The following ZNF892 variants were observed in gnomAD, a reference collection of about 807,000 sequenced individuals.
ZNF892 encodes the protein zinc finger protein 892.
At chr2:95,228,883 C>T in the ZNF892 span, among the ~76,000 whole-genome samples, 46 of 152,014 alleles carry the variant, frequency 3.0e-4, no homozygotes, top group Non-Finnish European at 5.6e-4. Context: ...TCAAAGTTAC[C>T]CCTCTGCTCA....
chr2:95,234,334 C>T, the ZNF892 span, among the ~76,000 whole-genome samples: 1 of 152,242 alleles, frequency 6.6e-6, no homozygotes, highest in Non-Finnish European at 1.5e-5. Context: ...ATTTCTCTCT[C>T]TGACATTTTC....
chr2:95,244,339 TA>T, the ZNF892 span, among the ~76,000 whole-genome samples: 9,881 of 124,976 alleles, frequency 0.079, 682 homozygotes, highest in African/African-American at 0.21. Flanking sequence ...AATGATCAAT[TA>T]AAAAAAAAAA....
the ZNF892 span, among the ~76,000 whole-genome samples, chr2:95,225,304 C>G: frequency 7.9e-5 from 12 of 152,116 alleles, no homozygotes; most frequent in African/African-American, 2.9e-4. Context: ...GCTGCCATAG[C>G]AGAATACCAC....
At chr2:95,255,469 T>C in the ZNF892 span, among the ~76,000 whole-genome samples, 2 of 152,228 alleles carry the variant, frequency 1.3e-5, no homozygotes. Flanking sequence ...TCTGTTCTTT[T>C]ACATTTGCTG....
At chr2:95,212,201 A>G in the ZNF892 span, 12 of 398,510 alleles carry the variant, frequency 3.0e-5, no homozygotes, top group Middle Eastern at 6.3e-4. Flanking sequence ...AGGGCTTCCA[A>G]TTTCCACACC....
At chr2:95,254,568 T>C in the ZNF892 span, among the ~76,000 whole-genome samples, 12 of 152,214 alleles carry the variant, frequency 7.9e-5, no homozygotes, top group African/African-American at 2.9e-4. Flanking sequence ...TCTGCCAGGC[T>C]TTAGTATCAG....
At chr2:95,226,181 C>G in the ZNF892 span, among the ~76,000 whole-genome samples, 3 of 152,214 alleles carry the variant, frequency 2.0e-5, no homozygotes, top group Non-Finnish European at 4.4e-5. Context: ...TAACAAGCCT[C>G]TGCCCCAGGC....
chr2:95,215,887 T>C, the ZNF892 span, among the ~76,000 whole-genome samples: 3 of 152,186 alleles, frequency 2.0e-5, no homozygotes, highest in Admixed American at 6.5e-5. Flanking sequence ...GGGTGTGCCA[T>C]GGTGGAAACG....
the ZNF892 span, among the ~76,000 whole-genome samples, chr2:95,258,418 C>G: frequency 6.6e-6 from 1 of 152,142 alleles, no homozygotes; most frequent in Non-Finnish European, 1.5e-5. Context: ...GGGGCTACAG[C>G]AGCAGGAAGA....
chr2:95,225,896 G>A, the ZNF892 span, among the ~76,000 whole-genome samples: 7 of 152,190 alleles, frequency 4.6e-5, no homozygotes, highest in Non-Finnish European at 1.0e-4. Context: ...GCAAAAAGGA[G>A]ACACAGAAAA....
the ZNF892 span, among the ~76,000 whole-genome samples, chr2:95,222,842 A>T: frequency 6.6e-6 from 1 of 152,152 alleles, no homozygotes; most frequent in East Asian, 1.9e-4. Flanking sequence ...ATCCCTAACT[A>T]ATGTTTAGGA....
chr2:95,247,381 G>T, the ZNF892 span, among the ~76,000 whole-genome samples: 1 of 152,168 alleles, frequency 6.6e-6, no homozygotes, highest in Non-Finnish European at 1.5e-5. Flanking sequence ...AGATGTACAT[G>T]TAAGACCTCA....
chr2:95,249,344 G>A, the ZNF892 span, among the ~76,000 whole-genome samples: 1 of 135,458 alleles, frequency 7.4e-6, no homozygotes, highest in African/African-American at 2.7e-5. Context: ...GGGTTCAAGC[G>A]TTTCTCCTGC....
the ZNF892 span, among the ~76,000 whole-genome samples, chr2:95,210,099 G>A: frequency 6.3e-4 from 93 of 147,386 alleles, no homozygotes; most frequent in South Asian, 0.011. Context: ...ATATATATGT[G>A]TGTATATGTG....
At chr2:95,258,281 G>A in the ZNF892 span, among the ~76,000 whole-genome samples, 1 of 152,220 alleles carries the variant, frequency 6.6e-6, no homozygotes, top group African/African-American at 2.4e-5. Flanking sequence ...ACCAAACAAA[G>A]GAGGGAAGGG....
chr2:95,259,474 T>G, the ZNF892 span: 7 of 152,456 alleles, frequency 4.6e-5, no homozygotes, highest in Non-Finnish European at 8.8e-5. Context: ...ACACCTACTT[T>G]GCTGTGCTTC....
the ZNF892 span, among the ~76,000 whole-genome samples, chr2:95,263,380 C>T: frequency 6.6e-6 from 1 of 152,206 alleles, no homozygotes. Context: ...CCGAGCTACC[C>T]AACTTCCTAC....
chr2:95,210,481 G>A, the ZNF892 span, among the ~76,000 whole-genome samples: 2 of 152,062 alleles, frequency 1.3e-5, no homozygotes, highest in Non-Finnish European at 2.9e-5. Context: ...CCTTATTTCA[G>A]TATTTTAGTA....
At chr2:95,251,061 A>C in the ZNF892 span, among the ~76,000 whole-genome samples, 15 of 151,188 alleles carry the variant, frequency 9.9e-5, no homozygotes, top group Admixed American at 9.9e-4. Flanking sequence ...CATATTAATA[A>C]ATGCTTATTA....
Sources: allele counts gnomAD v4.1 joint callset (sites outside exome capture counted in the v4.1 genomes callset), GRCh38; gene constraint gnomAD v4.1.1; transcripts MANE v1.5; gene names NCBI Gene and HGNC (gene_info 2026-07-23, HGNC 2026-07-21).